The following IFI16 variants were observed in gnomAD, a reference collection of about 807,000 sequenced individuals.
The protein encoded by IFI16 is interferon gamma inducible protein 16, also known as gamma-interferon-inducible protein 16.
Under a neutral mutation model 68.4 loss-of-function variants are expected in IFI16, and 49 were observed. The observed-to-expected ratio is 0.72, with a 90% confidence interval of 0.57 to 0.91. The LOEUF (loss-of-function observed/expected upper bound fraction) is 0.91, where lower values mean the gene tolerates loss of function less well. IFI16 is among the 40% of genes least tolerant of loss of function. The pLI, the probability that IFI16 is intolerant of heterozygous loss-of-function variation, is 0.00. For missense variants in IFI16, 878 were observed against 942.9 expected, an observed-to-expected ratio of 0.93 and a Z score of 0.90; for synonymous variants, 307 against 315.0, an observed-to-expected ratio of 0.97 and a Z score of 0.27.
rs955902025 is a variant in IFI16 at position 159,032,588 on chromosome 1, G to A, written c.1226G>A (p.Arg409His). The A allele has an allele frequency of 3.7e-6, 6 of 1,612,122 alleles. No homozygotes were observed. The highest frequency in any genetic ancestry group is 4.2e-6 in the Non-Finnish European group (5 of 1,179,064). ...PKSMKLPQEQ[R>H]QLPYPSEAST... is the part of the protein sequence containing the mutation. ...AGCATGAAGCTACCCCAGGAACAGCGTCAGCTTCCATATCCTTCAGAGGCC... is the reference window on the plus strand; with the variant it reads ...AGCATGAAGCTACCCCAGGAACAGCATCAGCTTCCATATCCTTCAGAGGCC... Residue 409 changes from arginine (R) to histidine (H), a missense_variant, in exon 7 of 12, where the codon CGT becomes CAT. Coordinates refer to ENST00000295809, the MANE Select transcript of IFI16 (RefSeq NM_001376587.1).
intron 7 of IFI16, among the ~76,000 whole-genome samples, chr1:159,042,799 A>G (rs181984966): frequency 7.5e-6 from 1 of 133,934 alleles, no homozygotes; most frequent in East Asian, 2.2e-4. Flanking sequence ...AAGTGAGTTT[A>G]CACTTGTGTG....
At chr1:159,038,644 T>G (rs1167644169) in intron 7 of IFI16, among the ~76,000 whole-genome samples, 1 of 152,142 alleles carries the variant, frequency 6.6e-6, no homozygotes, top group Non-Finnish European at 1.5e-5. Flanking sequence ...TGGGGTTACA[T>G]GCACAAGCCA....
intron 8 of IFI16, among the ~76,000 whole-genome samples, chr1:159,046,011 A>G (rs1654961050): frequency 6.6e-6 from 1 of 151,324 alleles, no homozygotes; most frequent in Non-Finnish European, 1.5e-5. Flanking sequence ...CACATTACGC[A>G]TATTTTTCTA....
chr1:159,023,047 AATAAT>A (rs1187949794), intron 6 of IFI16, among the ~76,000 whole-genome samples: 1 of 152,244 alleles, frequency 6.6e-6, no homozygotes, highest in African/African-American at 2.4e-5. Context: ...AAAGGCAGGG[AATAAT>A]ATAACAGCCT....
At chr1:159,036,044 A>C (rs920247272) in intron 7 of IFI16, among the ~76,000 whole-genome samples, 3 of 152,182 alleles carry the variant, frequency 2.0e-5, no homozygotes, top group Non-Finnish European at 4.4e-5. Context: ...AACTCGATCT[A>C]GGGTTTCTGT....
Position 159,039,997 on chromosome 1 carries a change from T to C in IFI16, c.1330-5300T>C, listed in dbSNP as rs183095256. ...TTTGAAAACCAATTTGGTGCTATCTTAAACCTGAAAACATGCATACTTTAC... is the reference window on the plus strand; with the variant it reads ...TTTGAAAACCAATTTGGTGCTATCTCAAACCTGAAAACATGCATACTTTAC... On this transcript the variant is annotated intron_variant, in intron 7 of 11. Transcript: ENST00000295809. Among the ~76,000 whole-genome samples, 24 of 152,310 alleles carry C rather than the reference T, an allele frequency of 1.6e-4. No homozygotes were observed. In the East Asian group the frequency reaches 4.4e-3, roughly 28 times the overall value.
At chr1:159,045,572 A>G in intron 8 of IFI16, 108 bp downstream of exon 8, 1 of 1,151,284 alleles carries the variant, frequency 8.7e-7, no homozygotes, top group African/African-American at 1.5e-5. Flanking sequence ...CAATGCTTTA[A>G]TTTAACCAAA....
chr1:159,019,279 TAC>T (rs956767977), intron 5 of IFI16, among the ~76,000 whole-genome samples: 12 of 143,948 alleles, frequency 8.3e-5, no homozygotes, highest in Non-Finnish European at 4.5e-5. Context: ...AAAAATAGAG[TAC>T]AGAGTGCTTT....
chr1:159,013,087 GT>G (rs1240063164), intron 1 of IFI16, among the ~76,000 whole-genome samples: 1 of 144,966 alleles, frequency 6.9e-6, no homozygotes, highest in African/African-American at 2.6e-5. Context: ...ACTATAATGT[GT>G]TTTTGTATAG....
intron 6 of IFI16, among the ~76,000 whole-genome samples, chr1:159,024,580 A>G (rs1163477107): frequency 3.3e-5 from 5 of 152,326 alleles, no homozygotes; most frequent in Non-Finnish European, 5.9e-5. Context: ...AGGCTGTAGG[A>G]GCAGAAAATC....
intron 8 of IFI16, among the ~76,000 whole-genome samples, chr1:159,045,844 T>C (rs780008924): frequency 1.3e-5 from 2 of 151,234 alleles, no homozygotes; most frequent in Non-Finnish European, 3.0e-5. Flanking sequence ...ATACCATCTT[T>C]AAAAATTTAG....
chr1:159,042,880 G>A (rs1294714631), intron 7 of IFI16, among the ~76,000 whole-genome samples: 4 of 152,270 alleles, frequency 2.6e-5, no homozygotes, highest in East Asian at 1.9e-4. Flanking sequence ...ACAATCCAGC[G>A]TTATGGGGCC....
At chr1:159,021,478 C>T (rs1653310207) in intron 6 of IFI16, among the ~76,000 whole-genome samples, 1 of 152,144 alleles carries the variant, frequency 6.6e-6, no homozygotes, top group African/African-American at 2.4e-5. Flanking sequence ...TATACATACC[C>T]CATTTCTTTA....
chr1:159,034,793 G>A (rs528524222), intron 7 of IFI16, among the ~76,000 whole-genome samples: 2 of 152,308 alleles, frequency 1.3e-5, no homozygotes, highest in East Asian at 3.9e-4. Flanking sequence ...AACAATTGGG[G>A]TGTGGGAGTA....
At chr1:159,034,083 A>G (rs1286918056) in intron 7 of IFI16, among the ~76,000 whole-genome samples, 1 of 152,256 alleles carries the variant, frequency 6.6e-6, no homozygotes, top group Admixed American at 6.5e-5. Context: ...AATACATTTG[A>G]GAACCTTGAA....
chr1:159,040,737 C>T (rs1557877227), intron 7 of IFI16, among the ~76,000 whole-genome samples: 1 of 152,136 alleles, frequency 6.6e-6, no homozygotes, highest in Non-Finnish European at 1.5e-5. Context: ...TATATTTTTG[C>T]TTGTTGGGCA....
chr1:159,032,285 A>G (rs1235136823), intron 6 of IFI16, among the ~76,000 whole-genome samples: 1 of 152,208 alleles, frequency 6.6e-6, no homozygotes, highest in African/African-American at 2.4e-5. Context: ...GGAGTCTCCA[A>G]TGTAAAAACA....
intron 6 of IFI16, among the ~76,000 whole-genome samples, chr1:159,028,285 G>A (rs555930844): frequency 6.6e-6 from 1 of 152,196 alleles, no homozygotes; most frequent in South Asian, 2.1e-4. Context: ...TGATCATACG[G>A]GAGCAGGTTA....
At chr1:159,016,415 T>C in intron 3 of IFI16, 118 bp from the exon 4 acceptor site, 1 of 914,922 alleles carries the variant, frequency 1.1e-6, no homozygotes, top group Non-Finnish European at 1.6e-6. Context: ...GGCAGCAACC[T>C]CTCAAGTTTC....
Sources: gnomAD v4.1 joint callset for allele counts (sites outside exome capture counted in the v4.1 genomes callset) on GRCh38, gnomAD v4.1.1 for gene constraint, MANE v1.5 for transcripts, NCBI Gene and HGNC (gene_info 2026-07-23, HGNC 2026-07-21) for gene names.